The following AFF2 variants were observed in gnomAD, a reference collection of about 807,000 sequenced individuals.
The protein encoded by AFF2 is ALF transcription elongation factor 2.
In AFF2, 14 loss-of-function variants were observed where a neutral mutation model predicts 76.9. That is an observed-to-expected ratio of 0.18 (90% CI 0.12 to 0.28). The LOEUF (loss-of-function observed/expected upper bound fraction) is 0.28. Among genes scored for constraint, AFF2 ranks in the 10% least tolerant of loss-of-function variants. AFF2 has a pLI of 1.00. For synonymous variants in AFF2, 398 were observed against 366.7 expected (o/e 1.09, Z -0.98); for missense variants, 868 against 1,001.1 (o/e 0.87, Z 1.79).
chrX:148,815,628 A>G (rs782238042), intron 4 of AFF2, among the ~76,000 whole-genome samples: 1 of 111,280 alleles, frequency 9.0e-6, no homozygotes, highest in East Asian at 2.8e-4. Flanking sequence ...TTTTATATGG[A>G]ATCTAGGGGT....
At chrX:148,918,727 G>C (rs1262135706) in intron 9 of AFF2, among the ~76,000 whole-genome samples, 1 of 111,756 alleles carries the variant, frequency 8.9e-6, no homozygotes, top group Non-Finnish European at 1.9e-5. Context: ...GCGAACTCTG[G>C]TGACCTTGGG....
At chrX:148,712,216 A>T (rs782270402) in intron 3 of AFF2, among the ~76,000 whole-genome samples, 1 of 111,803 alleles carries the variant, frequency 8.9e-6, no homozygotes, top group Admixed American at 9.5e-5. Context: ...TAAACATAGG[A>T]TTTGGAAGTA....
Position 148,962,847 on chromosome X carries a change from A to T in AFF2, c.2823A>T (p.Lys941Asn), listed in dbSNP as rs782620241. 2.5e-6 allele frequency: 3 copies of T among 1,208,873 alleles called. No individual in the cohort carries two copies. The highest frequency in any genetic ancestry group is 3.4e-6 in the Non-Finnish European group (3 of 894,061). The change falls in exon 13 of 21, where the codon AAA becomes AAT. Residue 941 changes from lysine (K) to asparagine (N), a missense_variant. This residue lies in a region of AFF2 where 532 missense variants were observed against 564.2 expected (regional missense o/e 0.94). Coordinates refer to ENST00000370460, the MANE Select transcript of AFF2 (RefSeq NM_002025.4). The part of the protein sequence containing the change: ...SGNNGPFGQD[K>N]NIAMTGQITS... ...ATAATGGTCCCTTTGGTCAAGACAA[A>T]AACATCGCCATGACTGGACAAATCA...
At position 148,967,692 on chromosome X, in the gene AFF2, G is replaced by C. The variant is rs782088318; in HGVS notation, c.3267G>C (p.Leu1089=). 2 of 1,203,119 alleles carry C rather than the reference G, an allele frequency of 1.7e-6. No homozygotes were observed. Reference sequence around the variant, plus strand: ...AGCTGAAGCACAAAGCTGATGCACTGGTAAGTTTCCTTTTTCTCATTGCTT... The same window carrying C: ...AGCTGAAGCACAAAGCTGATGCACTCGTAAGTTTCCTTTTTCTCATTGCTT... ...AKKLKHKADA[L]FEKFGKAVNY... is the part of the protein sequence containing the mutation. Residue 1089 remains leucine (L), a splice_region_variant and synonymous_variant, in exon 15 of 21, where the codon CTG becomes CTC. Coordinates refer to ENST00000370460, the MANE Select transcript of AFF2 (RefSeq NM_002025.4).
At chrX:148,720,679 C>T (rs1359462274) in intron 3 of AFF2, among the ~76,000 whole-genome samples, 5 of 111,597 alleles carry the variant, frequency 4.5e-5, no homozygotes, top group African/African-American at 1.6e-4. Context: ...TTGATAATAA[C>T]TATATAAACA....
At position 148,508,238 on chromosome X, in the gene AFF2, A is replaced by G. The variant is rs150119838; in HGVS notation, c.47+7094A>G. 9.7e-3 allele frequency among the ~76,000 whole-genome samples: 1,087 copies of G among 112,249 alleles called. 15 individuals carry two copies. Among genetic ancestry groups the G allele is most frequent in the African/African-American group, 0.034 (1,038 of 30,915 alleles). On this transcript the variant is annotated intron_variant, in intron 1 of 20. Coordinates refer to ENST00000370460, the MANE Select transcript of AFF2 (RefSeq NM_002025.4). ...GTTCTCTGCATCATCTACCATCTTC[A>G]ATGAAAACCAGATCTCAGTAGCAGA...
At chrX:148,619,120 C>A (rs1180951163) in intron 1 of AFF2, among the ~76,000 whole-genome samples, 3 of 111,538 alleles carry the variant, frequency 2.7e-5, no homozygotes, top group African/African-American at 9.8e-5. Flanking sequence ...CTTCAAAATC[C>A]CTCAAACTGG....
intron 7 of AFF2, among the ~76,000 whole-genome samples, chrX:148,864,949 C>T (rs576227179): frequency 4.5e-5 from 5 of 111,659 alleles, no homozygotes; most frequent in Admixed American, 1.9e-4. Context: ...CATTTAAAAT[C>T]GAGCAATTTA....
intron 7 of AFF2, among the ~76,000 whole-genome samples, chrX:148,861,508 A>G (rs2070847778): frequency 8.9e-6 from 1 of 112,194 alleles, no homozygotes; most frequent in Admixed American, 9.5e-5. Context: ...TTTTCATTGT[A>G]GGAATTCTTT....
At chrX:148,822,126 C>T (rs1278970235) in intron 4 of AFF2, 1 of 111,800 alleles carries the variant, frequency 8.9e-6, no homozygotes, top group African/African-American at 3.3e-5. Flanking sequence ...GATATATTAT[C>T]ACCATTTGTG....
chrX:148,557,190 A>G (rs1482547813), intron 1 of AFF2, among the ~76,000 whole-genome samples: 1 of 111,803 alleles, frequency 8.9e-6, no homozygotes, highest in Non-Finnish European at 1.9e-5. Flanking sequence ...GTTTCCTCAT[A>G]GTGTTGCTTC....
At chrX:148,869,963 C>G (rs1557277196) in intron 7 of AFF2, among the ~76,000 whole-genome samples, 1 of 111,461 alleles carries the variant, frequency 9.0e-6, no homozygotes. Context: ...GACCTTATCT[C>G]CAAATAAGAC....
chrX:148,617,885 T>A lies in AFF2; in HGVS notation c.48-34114T>A, dbSNP rs781932495. Among the ~76,000 whole-genome samples, 4 of 112,083 alleles carry A rather than the reference T, an allele frequency of 3.6e-5. No homozygotes were observed. In the East Asian group the frequency reaches 8.5e-4, roughly 24 times the overall value. On this transcript the variant is annotated intron_variant, in intron 1 of 20. Transcript: ENST00000370460. ...AAGTAAAACTTTGATTTAAAAAATG[T>A]TGCTTTCCATTGAAAGGTATCTTTC...
intron 7 of AFF2, among the ~76,000 whole-genome samples, chrX:148,855,656 C>T (rs1465540958): frequency 1.8e-5 from 2 of 111,828 alleles, no homozygotes; most frequent in African/African-American, 3.3e-5. Flanking sequence ...TATGTGTGCT[C>T]ATATGTATGT....
chrX:148,900,092 T>C (rs2071338445), intron 8 of AFF2, among the ~76,000 whole-genome samples: 2 of 110,862 alleles, frequency 1.8e-5, no homozygotes, highest in Middle Eastern at 4.7e-3. Flanking sequence ...AGAATTACCT[T>C]GCTAAAGAAT....
intron 1 of AFF2, among the ~76,000 whole-genome samples, chrX:148,563,081 G>A (rs1241930775): frequency 9.1e-6 from 1 of 109,310 alleles, no homozygotes; most frequent in African/African-American, 3.3e-5. Flanking sequence ...TCTTGGGGAA[G>A]CATTTCAAGG....
intron 1 of AFF2, among the ~76,000 whole-genome samples, chrX:148,596,204 T>C (rs1402105254): frequency 1.8e-5 from 2 of 112,232 alleles, no homozygotes; most frequent in African/African-American, 3.2e-5. Context: ...ATACTCCTAC[T>C]AAGCAGGTGA....
At chrX:148,597,700 G>T (rs1467901005) in intron 1 of AFF2, among the ~76,000 whole-genome samples, 2 of 111,611 alleles carry the variant, frequency 1.8e-5, no homozygotes, top group Non-Finnish European at 3.8e-5. Flanking sequence ...ACACAATGGG[G>T]TGAGGGTATA....
intron 1 of AFF2, among the ~76,000 whole-genome samples, chrX:148,612,353 A>G (rs2053743150): frequency 8.9e-6 from 1 of 112,121 alleles, no homozygotes; most frequent in South Asian, 3.7e-4. Flanking sequence ...TGTAAGGCAT[A>G]ATCTTTGTAA....
Sources: allele counts gnomAD v4.1 joint callset (sites outside exome capture counted in the v4.1 genomes callset), GRCh38; gene constraint gnomAD v4.1.1; regional missense constraint gnomAD v4.1.1; transcripts MANE v1.5; gene names NCBI Gene and HGNC (gene_info 2026-07-23, HGNC 2026-07-21).